Variants in FER observed in about 807,000 individuals in gnomAD.
FER encodes the protein tyrosine-protein kinase Fer.
A neutral mutation model predicts 111.0 loss-of-function variants in FER; 63 were observed. The observed-to-expected ratio is 0.57, with a 90% CI of 0.46 to 0.70. The LOEUF is 0.70. FER is among the 30% of genes least tolerant of loss of function. The probability of loss-of-function intolerance (pLI) is 0.00; values close to 1 mark genes in which losing one functional copy is unlikely to be tolerated. For missense variants in FER, 914 were observed against 954.0 expected (o/e 0.96, Z 0.55); for synonymous variants, 327 against 313.9 (o/e 1.04, Z -0.44).
At chr5:108,859,160 T>C (rs374049708) in intron 5 of FER, among the ~76,000 whole-genome samples, 15 of 152,272 alleles carry the variant, frequency 9.9e-5, no homozygotes, top group African/African-American at 3.1e-4. Context: ...AACAGAGTGT[T>C]TCTCAATTTG....
chr5:109,045,949 G>A (rs1463635233), intron 15 of FER, among the ~76,000 whole-genome samples: 4 of 152,206 alleles, frequency 2.6e-5, no homozygotes, highest in African/African-American at 4.8e-5. Flanking sequence ...TATAAACAAC[G>A]GGAGTTTCAG....
chr5:109,147,610 A>C (rs2126670950), intron 17 of FER, among the ~76,000 whole-genome samples: 1 of 152,114 alleles, frequency 6.6e-6, no homozygotes, highest in South Asian at 2.1e-4. Flanking sequence ...TGCCATTATA[A>C]ATCCTGTGCC....
At chr5:109,122,713 C>G (rs1751140689) in intron 17 of FER, among the ~76,000 whole-genome samples, 1 of 151,982 alleles carries the variant, frequency 6.6e-6, no homozygotes, top group African/African-American at 2.4e-5. Context: ...TTTCTTTAGC[C>G]CTAATAATAT....
intron 17 of FER, among the ~76,000 whole-genome samples, chr5:109,150,336 A>G (rs75416215): frequency 0.016 from 2,430 of 151,932 alleles, 26 homozygotes; most frequent in Middle Eastern, 0.041. Flanking sequence ...ACATACTTTC[A>G]CTTCCTCTGG....
intron 16 of FER, among the ~76,000 whole-genome samples, chr5:109,047,950 T>G (rs1455528236): frequency 6.6e-6 from 1 of 152,152 alleles, no homozygotes; most frequent in Non-Finnish European, 1.5e-5. Context: ...TTTTAAAGTT[T>G]TTTTCGTTGT....
At chr5:108,886,437 T>G (rs1747179626) in intron 9 of FER, among the ~76,000 whole-genome samples, 1 of 148,996 alleles carries the variant, frequency 6.7e-6, no homozygotes, top group African/African-American at 2.4e-5. Context: ...ATATATAACA[T>G]ACATAAACAT....
At chr5:108,900,794 A>C (rs561951814) in intron 10 of FER, among the ~76,000 whole-genome samples, 1 of 152,314 alleles carries the variant, frequency 6.6e-6, no homozygotes, top group East Asian at 1.9e-4. Flanking sequence ...CAAATGTGTA[A>C]TCAGGGTTGG....
Position 109,100,504 on chromosome 5 carries a change from A to G in FER, c.2033A>G (p.Lys678Arg). 1.9e-6 allele frequency: 3 copies of G among 1,610,762 alleles called. No individual in the cohort carries two copies. Among genetic ancestry groups the G allele is most frequent in the Non-Finnish European group, 2.5e-6 (3 of 1,177,660 alleles). The change falls in exon 17 of 20, where the codon AAA becomes AGA. Residue 678 changes from lysine (K) to arginine (R), a missense_variant. By Grantham distance (26) the Lys-to-Arg change is conservative (BLOSUM62 2). Transcript: ENST00000281092. ...AAAGMLYLES[K>R]NCIHRDLAAR... ...GCTGGTATGTTGTATCTCGAGAGTA[A>G]AAACTGTATACACAGGTAAGGAGAA...
intron 10 of FER, among the ~76,000 whole-genome samples, chr5:108,927,708 T>A (rs1753981860): frequency 6.6e-6 from 1 of 152,222 alleles, no homozygotes; most frequent in Admixed American, 6.5e-5. Flanking sequence ...TCCTTATTCA[T>A]CAATGCATGT....
intron 13 of FER, among the ~76,000 whole-genome samples, chr5:108,976,626 C>A (rs1055118280): frequency 4.6e-5 from 7 of 152,132 alleles, no homozygotes; most frequent in Non-Finnish European, 1.0e-4. Flanking sequence ...AGAAGCCTTA[C>A]TGATAACATA....
intron 16 of FER, chr5:109,052,049 A>G: frequency 6.2e-7 from 1 of 1,602,082 alleles, no homozygotes; most frequent in South Asian, 1.1e-5. Context: ...TCAATACCAT[A>G]CTTGAACTTC....
chr5:109,085,299 C>T (rs1431669260), intron 16 of FER, among the ~76,000 whole-genome samples: 2 of 151,640 alleles, frequency 1.3e-5, no homozygotes, highest in Non-Finnish European at 3.0e-5. Flanking sequence ...TTTAAAATTT[C>T]TCCAAAGTAT....
intron 5 of FER, among the ~76,000 whole-genome samples, chr5:108,836,618 A>G (rs528211253): frequency 6.6e-6 from 1 of 152,086 alleles, no homozygotes; most frequent in Non-Finnish European, 1.5e-5. Context: ...ATCTTTCTCT[A>G]CATTTTCTCT....
chr5:109,184,338 A>G (rs1416388076), intron 18 of FER, among the ~76,000 whole-genome samples: 5 of 152,206 alleles, frequency 3.3e-5, no homozygotes, highest in Non-Finnish European at 7.3e-5. Context: ...TAAGATAAGA[A>G]CAATAGGACC....
intron 16 of FER, among the ~76,000 whole-genome samples, chr5:109,064,935 C>G (rs1434481561): frequency 6.6e-6 from 1 of 151,838 alleles, no homozygotes; most frequent in Non-Finnish European, 1.5e-5. Flanking sequence ...TCTTAAAATT[C>G]CAAAAGATGA....
chr5:109,086,601 AATGT>A (rs1230793448), intron 16 of FER, among the ~76,000 whole-genome samples: 1 of 151,536 alleles, frequency 6.6e-6, no homozygotes, highest in East Asian at 1.9e-4. Context: ...GTCATTTAGA[AATGT>A]ATGTAGATTA....
chr5:109,133,080 A>T (rs1241586190), intron 17 of FER, among the ~76,000 whole-genome samples: 1 of 152,150 alleles, frequency 6.6e-6, no homozygotes, highest in East Asian at 1.9e-4. Context: ...TTTTTGTCAT[A>T]CTGTAACTTT....
intron 17 of FER, among the ~76,000 whole-genome samples, chr5:109,105,241 TG>T (rs1748761290): frequency 9.2e-6 from 1 of 109,180 alleles, no homozygotes; most frequent in Non-Finnish European, 2.1e-5. Context: ...TGTGTGTGTG[TG>T]TGTGTGTGTG....
intron 3 of FER, among the ~76,000 whole-genome samples, chr5:108,811,105 G>T (rs527392102): frequency 2.4e-4 from 37 of 152,216 alleles, no homozygotes; most frequent in African/African-American, 8.7e-4. Context: ...TCCAGGAAGG[G>T]TAGGGCATCC....
Sources: allele counts gnomAD v4.1 joint callset (sites outside exome capture counted in the v4.1 genomes callset), GRCh38; gene constraint gnomAD v4.1.1; transcripts MANE v1.5; gene names NCBI Gene and HGNC (gene_info 2026-07-23, HGNC 2026-07-21).